The following AMDHD1 variants were observed in gnomAD, a reference collection of about 807,000 sequenced individuals.
The protein encoded by AMDHD1 is probable imidazolonepropionase.
A neutral mutation model predicts 44.1 loss-of-function variants in AMDHD1; 45 were observed. The observed-to-expected ratio is 1.02, with a 90% CI of 0.80 to 1.31. AMDHD1 has a LOEUF of 1.31. AMDHD1 is among the 50% of genes most tolerant of loss of function. The pLI, the probability that AMDHD1 is intolerant of heterozygous loss-of-function variation, is 0.00. For missense variants in AMDHD1, 586 were observed against 552.1 expected (o/e 1.06, Z -0.61); for synonymous variants, 206 against 205.0 (o/e 1.00, Z -0.04).
rs1158781266 is a variant in AMDHD1 at position 95,943,545 on chromosome 12, C to T, written c.137+10C>T. The T allele has an allele frequency of 1.0e-5, 15 of 1,443,132 alleles. No individual in the cohort carries two copies. The highest frequency in any genetic ancestry group is 1.5e-5 in the African/African-American group (1 of 67,274). The allele number at this position is 1,443,132 out of a possible 1,614,324, so 89.4% of individuals were successfully genotyped here. On this transcript the variant is annotated intron_variant, in intron 1 of 8. Coordinates refer to ENST00000266736, the MANE Select transcript of AMDHD1 (RefSeq NM_152435.3). Reference sequence around the variant, plus strand: ...GCCTGGTGGTGGGCAAGTAAGTGGCCGGGCGCGCAGGGTGGGGACCGCCAC... The same window carrying T: ...GCCTGGTGGTGGGCAAGTAAGTGGCTGGGCGCGCAGGGTGGGGACCGCCAC...
intron 1 of AMDHD1, among the ~76,000 whole-genome samples, chr12:95,949,140 T>TAAAAAAAAAAAAAAAAAAAAAAAAA (rs1170844527): frequency 2.2e-4 from 1 of 4,458 alleles, no homozygotes; most frequent in Non-Finnish European, 3.2e-4. Context: ...AAAAATAAAT[T>TAAAAAAAAAAAAAAAAAAAAAAAAA]AAAAAAAAAA....
intron 2 of AMDHD1, among the ~76,000 whole-genome samples, chr12:95,953,715 G>A (rs1399693348): frequency 6.6e-6 from 1 of 152,060 alleles, no homozygotes; most frequent in Non-Finnish European, 1.5e-5. Flanking sequence ...CTAAGTAGCT[G>A]GATTACAGGC....
chr12:95,954,959 A>T lies in AMDHD1; in HGVS notation c.293A>T (p.His98Leu). The T allele has an allele frequency of 6.2e-7, 1 of 1,614,208 alleles. No individual in the cohort carries two copies. The highest frequency in any genetic ancestry group is 8.5e-7 in the Non-Finnish European group (1 of 1,180,024). ...THPVWAGERV[H>L]EFAMKLAGAT... ...CCAGTATGGGCTGGTGAAAGAGTTCACGAATTTGCAATGAAGGTAACTGCA... is the reference window on the plus strand; with the variant it reads ...CCAGTATGGGCTGGTGAAAGAGTTCTCGAATTTGCAATGAAGGTAACTGCA... Residue 98 changes from histidine (H) to leucine (L), a missense_variant, in exon 3 of 9, where the codon CAC becomes CTC. Coordinates refer to ENST00000266736, the MANE Select transcript of AMDHD1 (RefSeq NM_152435.3).
intron 5 of AMDHD1, 46 bp downstream of exon 5, chr12:95,960,669 AC>A (rs761291441): frequency 6.4e-7 from 1 of 1,563,360 alleles, no homozygotes; most frequent in Non-Finnish European, 8.8e-7. Context: ...TCATTCTTGC[AC>A]ATTCATGCTA....
rs988446942 is a variant in AMDHD1, at chr12:95,967,891, T to C, written c.*48T>C. 4 of 1,235,272 alleles carry C rather than the reference T, an allele frequency of 3.2e-6. No individual in the cohort carries two copies. The highest frequency in any genetic ancestry group is 1.6e-5 in the African/African-American group (1 of 64,394). 76.5% of individuals were successfully genotyped at this position (1,235,272 alleles called of 1,614,324 possible). On this transcript the variant is annotated 3_prime_UTR_variant, in exon 9 of 9. Coordinates refer to ENST00000266736, the MANE Select transcript of AMDHD1 (RefSeq NM_152435.3). ...TTTGACTATATGAAATAAGTCAATATAGTTATATTAAAAGTTAAAACACCT... is the reference window on the plus strand; with the variant it reads ...TTTGACTATATGAAATAAGTCAATACAGTTATATTAAAAGTTAAAACACCT...
intron 1 of AMDHD1, among the ~76,000 whole-genome samples, chr12:95,944,327 T>TTTTATTTATTTATTTA (rs34358106): frequency 2.9e-4 from 41 of 141,640 alleles, no homozygotes; most frequent in South Asian, 9.3e-4. Flanking sequence ...GTTGGTTTAA[T>TTTTATTTATTTATTTA]TTTATTTATT....
In AMDHD1 at chr12:95,943,478, C is replaced by A. The variant is rs1336211027; in HGVS notation, c.80C>A (p.Ala27Glu). The stretch of plus-strand genomic sequence containing the variant: ...TGCGCCCGCGGCGAGCGCTTCCTGG[C>A]GCGGGATGCGCTGCGCAGCCTGGCG... ...LVCARGERFL[A>E]RDALRSLAVL... Residue 27 changes from alanine (A) to glutamate (E), a missense_variant, in exon 1 of 9, where the codon GCG becomes GAG. Physicochemically the swap from Ala to Glu is moderately radical, Grantham distance 107. Transcript: ENST00000266736. 8 of 1,502,260 alleles carry A rather than the reference C, an allele frequency of 5.3e-6. No homozygotes were observed. The highest frequency in any genetic ancestry group is 2.9e-5 in the African/African-American group (2 of 68,998). The allele number at this position is 1,502,260 out of a possible 1,614,324, so 93.1% of individuals were successfully genotyped here.
Position 95,967,751 on chromosome 12 carries a change from T to TTC in AMDHD1, c.1194-5_1194-4insTC. The TTC allele has an allele frequency of 6.4e-7, 1 of 1,554,724 alleles. No homozygotes were observed. Among genetic ancestry groups the TTC allele is most frequent in the Non-Finnish European group, 8.7e-7 (1 of 1,155,296 alleles). On this transcript the variant is annotated splice_region_variant and splice_polypyrimidine_tract_variant and intron_variant, in intron 8 of 8. Transcript: ENST00000266736. ...AATATTTGTTGTTTTTTTTTTTTTT[T>TTC]CTAGATGGGAGCATTTGATTTACCA...
intron 3 of AMDHD1, among the ~76,000 whole-genome samples, chr12:95,956,379 A>G (rs2080549571): frequency 6.6e-6 from 1 of 152,144 alleles, no homozygotes. Flanking sequence ...AAGTATTGGG[A>G]TTACAGGCGT....
At chr12:95,952,668 C>A in intron 1 of AMDHD1, 49 bp from the exon 2 acceptor site, 1 of 1,221,360 alleles carries the variant, frequency 8.2e-7, no homozygotes, top group South Asian at 1.2e-5. Context: ...CATCAGATTT[C>A]TCACAAGATT....
intron 6 of AMDHD1, among the ~76,000 whole-genome samples, chr12:95,964,270 T>G (rs1279133091): frequency 6.6e-6 from 1 of 152,108 alleles, no homozygotes; most frequent in Non-Finnish European, 1.5e-5. Flanking sequence ...GTTTCTATAT[T>G]TTTCTGATCT....
chr12:95,943,665 C>T, intron 1 of AMDHD1, 130 bp downstream of exon 1: 2 of 1,262,916 alleles, frequency 1.6e-6, no homozygotes, highest in Non-Finnish European at 2.0e-6. Context: ...GCAAGCCAGC[C>T]TTTGGGGTAC....
In AMDHD1 at chr12:95,965,764, A is replaced by G; in HGVS notation, c.1017A>G (p.Ala339=). Residue 339 remains alanine (A), a synonymous_variant, in exon 7 of 9, where the codon GCA becomes GCG. Transcript: ENST00000266736. The part of the protein sequence containing the change: ...VALGSDFNPN[A]YCFSMPMVMH... Reference sequence around the variant, plus strand: ...TGGGAAGTGATTTCAACCCCAATGCATATTGCTTTTCAATGGTAATTATTT... The same window carrying G: ...TGGGAAGTGATTTCAACCCCAATGCGTATTGCTTTTCAATGGTAATTATTT... The G allele has an allele frequency of 1.2e-6, 2 of 1,608,874 alleles. No individual in the cohort carries two copies. The highest frequency in any genetic ancestry group is 1.7e-5 in the Admixed American group (1 of 59,046).
chr12:95,966,620 A>AGAGT, intron 8 of AMDHD1, 112 bp downstream of exon 8: 1 of 1,330,198 alleles, frequency 7.5e-7, no homozygotes, highest in Non-Finnish European at 1.1e-6. Context: ...GGACTCAGAC[A>AGAGT]CTATCCAGTC....
At chr12:95,944,462 C>T (rs932724311) in intron 1 of AMDHD1, among the ~76,000 whole-genome samples, 6 of 151,862 alleles carry the variant, frequency 4.0e-5, no homozygotes, top group Non-Finnish European at 5.9e-5. Context: ...AGTGCAGTGG[C>T]ATGATCTTGG....
At position 95,943,480 on chromosome 12, in the gene AMDHD1, C is replaced by T; in HGVS notation, c.82C>T (p.Arg28Trp). Residue 28 changes from arginine to tryptophan, a missense_variant, in exon 1 of 9, where the codon CGG becomes TGG. By Grantham distance (101) the Arg-to-Trp change is moderately radical. Transcript: ENST00000266736. ...VCARGERFLA[R>W]DALRSLAVLE... ...CGCCCGCGGCGAGCGCTTCCTGGCGCGGGATGCGCTGCGCAGCCTGGCGGT... is the reference window on the plus strand; with the variant it reads ...CGCCCGCGGCGAGCGCTTCCTGGCGTGGGATGCGCTGCGCAGCCTGGCGGT... 1 of 1,502,558 alleles carries T rather than the reference C, an allele frequency of 6.7e-7. No individual in the cohort carries two copies. The highest frequency in any genetic ancestry group is 8.8e-7 in the Non-Finnish European group (1 of 1,130,158). The allele number at this position is 1,502,558 out of a possible 1,614,324, so 93.1% of individuals were successfully genotyped here. A position where few individuals can be genotyped will look rare whatever the true frequency, so the allele number is the denominator to read the frequency against.
intron 1 of AMDHD1, among the ~76,000 whole-genome samples, chr12:95,948,361 G>T (rs1364736491): frequency 1.7e-5 from 1 of 57,496 alleles, no homozygotes; most frequent in Non-Finnish European, 3.0e-5. Flanking sequence ...GAGGGAGGTG[G>T]GGGGGGGTCA....
At chr12:95,952,658 C>G in intron 1 of AMDHD1, 59 bp from the exon 2 acceptor site, 1 of 1,045,202 alleles carries the variant, frequency 9.6e-7, no homozygotes, top group Non-Finnish European at 1.5e-6. Flanking sequence ...TTAAGTCACT[C>G]ATCAGATTTC....
intron 2 of AMDHD1, 45 bp from the exon 3 acceptor site, chr12:95,954,866 C>T (rs1460612070): frequency 1.3e-5 from 20 of 1,587,950 alleles, no homozygotes; most frequent in Non-Finnish European, 1.5e-5. Context: ...TGTCTAAGTG[C>T]TCTCTATTTC....
Sources: gnomAD v4.1 joint callset for allele counts (sites outside exome capture counted in the v4.1 genomes callset) on GRCh38, gnomAD v4.1.1 for gene constraint, MANE v1.5 for transcripts, NCBI Gene and HGNC (gene_info 2026-07-23, HGNC 2026-07-21) for gene names.